The following RBFOX1 variants were observed in gnomAD, a reference collection of about 807,000 sequenced individuals.
The protein encoded by RBFOX1 is RNA binding protein fox-1 homolog 1.
Under a neutral mutation model 57.7 loss-of-function variants are expected in RBFOX1, and 8 were observed. The ratio of observed to expected loss-of-function variants is 0.14; its 90% CI spans 0.08 to 0.25. The LOEUF (loss-of-function observed/expected upper bound fraction) is 0.25. RBFOX1 is among the 10% of genes least tolerant of loss of function. RBFOX1 has a pLI of 1.00. For synonymous variants in RBFOX1, 326 were observed against 222.4 expected (o/e 1.47, Z -4.15); for missense variants, 611 against 548.5 (o/e 1.11, Z -1.14).
At chr16:6,811,137 C>G (rs927038345) in intron 3 of RBFOX1, among the ~76,000 whole-genome samples, 15 of 152,192 alleles carry the variant, frequency 9.9e-5, no homozygotes, top group Non-Finnish European at 1.9e-4. Flanking sequence ...TGAGTAACTT[C>G]TAAGGCCTCC....
At chr16:7,040,160 A>G (rs2045716184) in intron 3 of RBFOX1, among the ~76,000 whole-genome samples, 1 of 151,804 alleles carries the variant, frequency 6.6e-6, no homozygotes, top group Admixed American at 6.6e-5. Context: ...AGCTGGGACT[A>G]CAGGTGCCCG....
At chr16:5,885,629 C>T (rs1277946779) in intron 4 of RBFOX1, among the ~76,000 whole-genome samples, 1 of 152,134 alleles carries the variant, frequency 6.6e-6, no homozygotes, top group Non-Finnish European at 1.5e-5. Context: ...GTTGTCTATT[C>T]TATGTTCTCT....
chr16:7,190,890 T>G (rs544045617), intron 4 of RBFOX1, among the ~76,000 whole-genome samples: 4 of 152,286 alleles, frequency 2.6e-5, no homozygotes, highest in East Asian at 1.9e-4. Context: ...GTTAACTGTT[T>G]AGAGAATCAT....
At position 6,441,669 on chromosome 16, in the gene RBFOX1, T is replaced by C. The variant is rs149881599; in HGVS notation, c.-64+124612T>C. 1.8e-3 allele frequency among the ~76,000 whole-genome samples: 277 copies of C among 152,288 alleles called. 2 individuals are homozygous for C. The highest frequency in any genetic ancestry group is 0.01 in the Middle Eastern group (3 of 294). ...CTCACCTCAGGTGATCCACCCACTTTGGCCTCTCAAAGTGCTCGGATTACA... is the reference window on the plus strand; with the variant it reads ...CTCACCTCAGGTGATCCACCCACTTCGGCCTCTCAAAGTGCTCGGATTACA... On this transcript the variant is annotated intron_variant, in intron 2 of 15. Coordinates refer to ENST00000550418, the MANE Select transcript of RBFOX1 (RefSeq NM_018723.4).
chr16:5,900,679 G>T (rs761250534), intron 4 of RBFOX1, among the ~76,000 whole-genome samples: 1 of 152,094 alleles, frequency 6.6e-6, no homozygotes, highest in African/African-American at 2.4e-5. Context: ...AAAACAAATC[G>T]CAGCTCTCCA....
intron 4 of RBFOX1, among the ~76,000 whole-genome samples, chr16:7,428,979 A>G (rs1034964493): frequency 5.3e-5 from 8 of 152,172 alleles, no homozygotes; most frequent in Admixed American, 2.0e-4. Context: ...AAAAAAGTGT[A>G]TCAACAGACA....
intron 4 of RBFOX1, among the ~76,000 whole-genome samples, chr16:5,880,381 A>G (rs1449804480): frequency 1.3e-5 from 2 of 152,272 alleles, no homozygotes; most frequent in East Asian, 3.9e-4. Flanking sequence ...CTTAGAGAAC[A>G]CCCATGAAGA....
intron 4 of RBFOX1, among the ~76,000 whole-genome samples, chr16:7,092,187 C>A (rs912158383): frequency 1.3e-5 from 2 of 152,174 alleles, no homozygotes; most frequent in Non-Finnish European, 2.9e-5. Context: ...TACAAAGTTA[C>A]AAGGTATACC....
At chr16:5,867,562 T>C (rs2057372842) in intron 4 of RBFOX1, among the ~76,000 whole-genome samples, 1 of 152,170 alleles carries the variant, frequency 6.6e-6, no homozygotes, top group South Asian at 2.1e-4. Flanking sequence ...GCAGGGTGAC[T>C]TCAGCGTCTG....
intron 4 of RBFOX1, among the ~76,000 whole-genome samples, chr16:7,203,127 T>C (rs1162077809): frequency 1.3e-5 from 2 of 152,190 alleles, no homozygotes; most frequent in African/African-American, 2.4e-5. Flanking sequence ...AGCTAAAATA[T>C]GGGACTAATA....
intron 4 of RBFOX1, among the ~76,000 whole-genome samples, chr16:7,331,079 C>T (rs1229969355): frequency 1.3e-5 from 2 of 152,188 alleles, no homozygotes; most frequent in African/African-American, 2.4e-5. Flanking sequence ...GGCCAAAATT[C>T]AGCCTTAAAT....
intron 2 of RBFOX1, among the ~76,000 whole-genome samples, chr16:6,508,382 G>C (rs1046589494): frequency 5.3e-5 from 8 of 152,052 alleles, no homozygotes; most frequent in Non-Finnish European, 1.2e-4. Flanking sequence ...AAAATATAAT[G>C]TAAGTAGACT....
intron 2 of RBFOX1, among the ~76,000 whole-genome samples, chr16:6,553,636 ATC>A (rs2097034462): frequency 1.3e-5 from 2 of 152,002 alleles, no homozygotes; most frequent in Non-Finnish European, 2.9e-5. Context: ...GGGATGGACG[ATC>A]TCTCTCAGGA....
intron 3 of RBFOX1, among the ~76,000 whole-genome samples, chr16:5,607,652 T>C (rs766627329): frequency 1.1e-4 from 17 of 152,170 alleles, no homozygotes; most frequent in Non-Finnish European, 2.2e-4. Flanking sequence ...AATGAAAGTG[T>C]CAGCTCTGTT....
At chr16:7,373,226 T>G (rs1568477833) in intron 4 of RBFOX1, among the ~76,000 whole-genome samples, 1 of 152,076 alleles carries the variant, frequency 6.6e-6, no homozygotes, top group Non-Finnish European at 1.5e-5. Flanking sequence ...AGCCACCGCG[T>G]CTGGCTGAAA....
chr16:6,725,452 C>T (rs928423044), intron 3 of RBFOX1, among the ~76,000 whole-genome samples: 7 of 152,124 alleles, frequency 4.6e-5, no homozygotes, highest in Admixed American at 4.6e-4. Flanking sequence ...CAATCCCCAA[C>T]CTACCGTGAA....
At chr16:5,523,007 GC>G (rs1164708157) in intron 2 of RBFOX1, among the ~76,000 whole-genome samples, 2 of 152,164 alleles carry the variant, frequency 1.3e-5, no homozygotes, top group African/African-American at 2.4e-5. Flanking sequence ...CATGGTGGGG[GC>G]TGGGCATTGT....
chr16:6,973,617 A>G (rs1483664933), intron 3 of RBFOX1, among the ~76,000 whole-genome samples: 3 of 152,146 alleles, frequency 2.0e-5, no homozygotes, highest in African/African-American at 7.2e-5. Flanking sequence ...TGTTTTTGAC[A>G]GTTATCAAAG....
chr16:7,011,817 A>G (rs563884660), intron 3 of RBFOX1, among the ~76,000 whole-genome samples: 5 of 152,152 alleles, frequency 3.3e-5, no homozygotes, highest in Middle Eastern at 3.2e-3. Flanking sequence ...CCGTGCCCCA[A>G]GTTGTTTTTG....
Sources: allele counts gnomAD v4.1 joint callset (sites outside exome capture counted in the v4.1 genomes callset), GRCh38; gene constraint gnomAD v4.1.1; transcripts MANE v1.5; gene names NCBI Gene and HGNC (gene_info 2026-07-23, HGNC 2026-07-21).